The following LSP1 variants were observed in gnomAD, a reference collection of about 807,000 sequenced individuals.
LSP1 encodes the protein lymphocyte specific protein 1.
In LSP1, 32 loss-of-function variants were observed where a neutral mutation model predicts 49.3. That is an observed-to-expected ratio of 0.65 (90% CI 0.49 to 0.87). LSP1 has a LOEUF of 0.87. Among genes scored for constraint, LSP1 ranks in the 40% least tolerant of loss-of-function variants. LSP1 has a pLI of 0.00. For missense variants in LSP1, 428 were observed against 442.6 expected (o/e 0.97, Z 0.30); for synonymous variants, 179 against 178.8 (o/e 1.00, Z -0.01).
chr11:1,870,814 G>A (rs143744321), intron 1 of LSP1: 13 of 987,936 alleles, frequency 1.3e-5, no homozygotes, highest in Admixed American at 5.9e-5. Context: ...GCCTCGAGCC[G>A]TTGCCAGGGA....
At chr11:1,869,581 T>C in intron 1 of LSP1, 1 of 462,906 alleles carries the variant, frequency 2.2e-6, no homozygotes, top group East Asian at 7.1e-5. Context: ...GGAGGAGGGG[T>C]CTCTCCCACG....
intron 1 of LSP1, among the ~76,000 whole-genome samples, chr11:1,854,089 G>A (rs1847428500): frequency 6.6e-6 from 1 of 152,174 alleles, no homozygotes; most frequent in African/African-American, 2.4e-5. Context: ...GGCTCAGGGC[G>A]TGCGGTGCAG....
intron 1 of LSP1, among the ~76,000 whole-genome samples, chr11:1,875,152 G>A (rs1055098230): frequency 1.1e-4 from 17 of 149,060 alleles, no homozygotes; most frequent in Admixed American, 1.1e-3. Context: ...TGTCTGTGTC[G>A]CCCCCAGCAC....
intron 1 of LSP1, among the ~76,000 whole-genome samples, chr11:1,858,468 C>T (rs1263221326): frequency 6.6e-6 from 1 of 152,252 alleles, no homozygotes; most frequent in African/African-American, 2.4e-5. Flanking sequence ...TCCAGCCCAG[C>T]CCCGCCCAAA....
chr11:1,869,835 A>T (rs1376943909), intron 1 of LSP1: 1 of 466,564 alleles, frequency 2.1e-6, no homozygotes, highest in Non-Finnish European at 4.4e-6. Flanking sequence ...CTGAGAAATG[A>T]ATTTCTGCAC....
Position 1,884,038 on chromosome 11 carries a change from C to A in LSP1, c.591+14C>A. The A allele has an allele frequency of 6.2e-7, 1 of 1,601,804 alleles. No individual in the cohort carries two copies. Among genetic ancestry groups the A allele is most frequent in the Non-Finnish European group, 8.5e-7 (1 of 1,174,452 alleles). On this transcript the variant is annotated intron_variant, in intron 5 of 10. Coordinates refer to ENST00000311604, the MANE Select transcript of LSP1 (RefSeq NM_002339.3). The surrounding 1 kb of genome is among the most constrained non-coding windows in gnomAD (Gnocchi z 4.1). ...CCTACCACCAAAGTAAGTTAAGCTG[C>A]AAAGCCTGCCATCTTCTCCCCTCTC...
At chr11:1,883,585 T>A in intron 4 of LSP1, 25 bp downstream of exon 4, 2 of 1,589,162 alleles carry the variant, frequency 1.3e-6, no homozygotes, top group Non-Finnish European at 1.7e-6. Context: ...TCAGAGGGTC[T>A]GGGTGTACCC....
rs1329391602 is a variant in LSP1 at position 1,891,876 on chromosome 11, T to A, written c.*117T>A. 2 of 151,950 alleles carry A rather than the reference T, an allele frequency of 1.3e-5. No individual in the cohort carries two copies. Among genetic ancestry groups the A allele is most frequent in the East Asian group, 3.8e-4 (2 of 5,232 alleles). The allele number at this position is 151,950 out of a possible 1,614,324, so 9.4% of individuals were successfully genotyped here. ...GCCCTGGCTAAGAAGTTGCTTCCTGTTGCCAGCATGACCTACCCTCGCCTC... is the reference window on the plus strand; with the variant it reads ...GCCCTGGCTAAGAAGTTGCTTCCTGATGCCAGCATGACCTACCCTCGCCTC... On this transcript the variant is annotated 3_prime_UTR_variant, in exon 11 of 11. Coordinates refer to ENST00000311604, the MANE Select transcript of LSP1 (RefSeq NM_002339.3).
At chr11:1,867,310 C>A (rs1275817724) in intron 1 of LSP1, among the ~76,000 whole-genome samples, 1 of 152,118 alleles carries the variant, frequency 6.6e-6, no homozygotes, top group Non-Finnish European at 1.5e-5. Flanking sequence ...CCCTCCAGGA[C>A]ACAGACCCAG....
Position 1,861,224 on chromosome 11 carries a change from C to T in LSP1, c.53+8027C>T, listed in dbSNP as rs1027366748. 1.3e-5 allele frequency among the ~76,000 whole-genome samples: 2 copies of T among 152,330 alleles called. 1 individual carries two copies. Among genetic ancestry groups the T allele is most frequent in the Middle Eastern group, 6.8e-3 (2 of 294 alleles). On this transcript the variant is annotated intron_variant, in intron 1 of 10. Transcript: ENST00000311604. ...GAAAGAATTACTTATTTCCATGAGG[C>T]TATCATACGTAAAATATCAATCCCC...
chr11:1,865,546 G>C (rs955412551), intron 1 of LSP1, among the ~76,000 whole-genome samples: 1 of 147,154 alleles, frequency 6.8e-6, no homozygotes, highest in Non-Finnish European at 1.5e-5. Context: ...CGTCCCACCC[G>C]CACCGCCGGC....
At chr11:1,857,954 C>T (rs887034933) in intron 1 of LSP1, among the ~76,000 whole-genome samples, 1 of 152,194 alleles carries the variant, frequency 6.6e-6, no homozygotes, top group Admixed American at 6.5e-5. Context: ...GAGGCTTTCA[C>T]CATGTTGGCC....
intron 10 of LSP1, chr11:1,889,852 GCTC>G: frequency 1.6e-6 from 1 of 632,486 alleles, no homozygotes; most frequent in East Asian, 2.7e-5. Context: ...GGTACAGGGG[GCTC>G]CTCAGGCAAG....
In LSP1 at chr11:1,889,955, T is replaced by C. The variant is rs527921072; in HGVS notation, c.*14-1818T>C. On this transcript the variant is annotated intron_variant, in intron 10 of 10. Transcript: ENST00000311604. The stretch of plus-strand genomic sequence containing the variant: ...CCCTGGGGGGACTTGGGGTGGCATC[T>C]CCATCCTGGCTGTTGGATCCCACTT... 33 of 629,258 alleles carry C rather than the reference T, an allele frequency of 5.2e-5. No individual in the cohort carries two copies. The South Asian group carries it at 5.4e-4, about 10-fold the overall frequency. 39.0% of individuals were successfully genotyped at this position (629,258 alleles called of 1,614,324 possible). A position where few individuals can be genotyped will look rare whatever the true frequency, so the allele number is the denominator to read the frequency against.
intron 1 of LSP1, chr11:1,876,336 G>T (rs529466909): frequency 5.8e-6 from 3 of 514,656 alleles, no homozygotes; most frequent in Non-Finnish European, 7.5e-6. Flanking sequence ...AGGGAGCCCC[G>T]AACCACCCTG....
In LSP1 at chr11:1,883,420, C is replaced by T. The variant is rs781492964; in HGVS notation, c.358C>T (p.Pro120Ser). Reference sequence around the variant, plus strand: ...CTTTGCCTCCCTTTCCACCCACAGGCCCGGCCTGCATGCCTACGAAAAGGA... The same window carrying T: ...CTTTGCCTCCCTTTCCACCCACAGGTCCGGCCTGCATGCCTACGAAAAGGA... The part of the protein sequence containing the change: ...RSPEGEQEDR[P>S]GLHAYEKEDS... The change falls in exon 4 of 11, where the codon CCC becomes TCC. Residue 120 changes from proline (P) to serine (S), a missense_variant and splice_region_variant. Physicochemically the swap from Pro to Ser is moderately conservative, Grantham distance 74 (BLOSUM62 -1). Transcript: ENST00000311604. 2.5e-6 allele frequency: 4 copies of T among 1,614,020 alleles called. No homozygotes were observed. The South Asian group carries it at 3.3e-5, about 13-fold the overall frequency.
At chr11:1,856,766 A>T (rs551424347) in intron 1 of LSP1, among the ~76,000 whole-genome samples, 1 of 152,338 alleles carries the variant, frequency 6.6e-6, no homozygotes, top group South Asian at 2.1e-4. Flanking sequence ...GCCCTTGGGC[A>T]GCCCTCCCGC....
At chr11:1,865,137 T>G in intron 1 of LSP1, 75 of 948,038 alleles carry the variant, frequency 7.9e-5, no homozygotes, top group South Asian at 1.9e-4. Context: ...CAGGAGCCTT[T>G]GAGATGCTGC....
At chr11:1,881,299 A>C (rs1848527159) in intron 2 of LSP1, 133 bp from the exon 3 acceptor site, 2 of 871,352 alleles carry the variant, frequency 2.3e-6, no homozygotes, top group Admixed American at 6.0e-5. Flanking sequence ...CACAGCCCAG[A>C]GCCAGCTCTG....
Sources: allele counts gnomAD v4.1 joint callset (sites outside exome capture counted in the v4.1 genomes callset), GRCh38; gene constraint gnomAD v4.1.1; non-coding constraint Gnocchi (gnomAD v3.1); transcripts MANE v1.5; gene names NCBI Gene and HGNC (gene_info 2026-07-23, HGNC 2026-07-21).